The following CNTNAP2 variants were observed in gnomAD, a reference collection of about 807,000 sequenced individuals.
CNTNAP2 encodes contactin associated protein 2.
CNTNAP2 carries 98 observed loss-of-function variants against 155.2 expected under a neutral mutation model. The ratio of observed to expected loss-of-function variants is 0.63; its 90% CI spans 0.54 to 0.75. The LOEUF (loss-of-function observed/expected upper bound fraction) is 0.75, where lower values mean the gene tolerates loss of function less well. Among genes scored for constraint, CNTNAP2 ranks in the 30% least tolerant of loss-of-function variants. CNTNAP2 has a pLI of 0.00. For synonymous variants in CNTNAP2, 651 were observed against 631.2 expected (o/e 1.03, Z -0.47); for missense variants, 1,727 against 1,688.1 (o/e 1.02, Z -0.40).
intron 11 of CNTNAP2, among the ~76,000 whole-genome samples, chr7:147,547,156 G>T (rs1033096587): frequency 8.6e-4 from 131 of 152,288 alleles, no homozygotes; most frequent in African/African-American, 3.0e-3. Context: ...CTGTCATAAA[G>T]TCATCTTCAA....
chr7:147,788,850 A>G (rs1247688267), intron 13 of CNTNAP2, among the ~76,000 whole-genome samples: 1 of 143,846 alleles, frequency 7.0e-6, no homozygotes, highest in Non-Finnish European at 1.5e-5. Context: ...CCCACACCTC[A>G]TGGAGACCCT....
At chr7:146,678,796 G>T (rs1358094679) in intron 1 of CNTNAP2, among the ~76,000 whole-genome samples, 2 of 152,098 alleles carry the variant, frequency 1.3e-5, no homozygotes, top group East Asian at 3.9e-4. Context: ...TTTTAAAATA[G>T]ACTATTTGAA....
chr7:147,900,906 C>A (rs1262645077), intron 13 of CNTNAP2, among the ~76,000 whole-genome samples: 1 of 152,158 alleles, frequency 6.6e-6, no homozygotes, highest in African/African-American at 2.4e-5. Flanking sequence ...TCAGAAAATC[C>A]TCCTGAGAAC....
intron 11 of CNTNAP2, among the ~76,000 whole-genome samples, chr7:147,547,222 A>G (rs1194997311): frequency 1.3e-5 from 2 of 152,230 alleles, no homozygotes; most frequent in East Asian, 3.8e-4. Flanking sequence ...TCCCTGTATT[A>G]CAGCTGAATC....
chr7:147,176,289 G>T (rs1256456803), intron 8 of CNTNAP2, among the ~76,000 whole-genome samples: 1 of 152,106 alleles, frequency 6.6e-6, no homozygotes, highest in African/African-American at 2.4e-5. Context: ...ATTAAATGTG[G>T]TCCCTTCAGT....
intron 3 of CNTNAP2, among the ~76,000 whole-genome samples, chr7:146,849,898 T>G (rs1794839032): frequency 6.6e-6 from 1 of 152,146 alleles, no homozygotes; most frequent in Non-Finnish European, 1.5e-5. Flanking sequence ...TACAATAACT[T>G]TAAACAAAAG....
chr7:146,215,257 TAC>T (rs1799095643), intron 1 of CNTNAP2, among the ~76,000 whole-genome samples: 1 of 152,192 alleles, frequency 6.6e-6, no homozygotes, highest in Non-Finnish European at 1.5e-5. Context: ...TACAAAATAA[TAC>T]TTGCGTTAAA....
chr7:148,415,250 T>A (rs1010938420), intron 23 of CNTNAP2, among the ~76,000 whole-genome samples, 167 bp from the exon 24 acceptor site: 1 of 152,242 alleles, frequency 6.6e-6, no homozygotes, highest in Non-Finnish European at 1.5e-5. Context: ...TACTCCTTCA[T>A]GGACAAAAAC....
intron 4 of CNTNAP2, among the ~76,000 whole-genome samples, chr7:147,048,743 AC>A (rs2129257726): frequency 6.6e-6 from 1 of 152,322 alleles, no homozygotes; most frequent in South Asian, 2.1e-4. Context: ...AAATAATGTG[AC>A]TACTGGCTAC....
At chr7:147,182,196 C>A (rs1752252086) in intron 8 of CNTNAP2, among the ~76,000 whole-genome samples, 1 of 150,374 alleles carries the variant, frequency 6.7e-6, no homozygotes, top group African/African-American at 2.4e-5. Context: ...AAGCAAAGTT[C>A]TTTGTCTAAG....
chr7:148,318,342 C>T (rs564284057), intron 21 of CNTNAP2, among the ~76,000 whole-genome samples: 2 of 152,314 alleles, frequency 1.3e-5, no homozygotes, highest in South Asian at 4.1e-4. Flanking sequence ...CGAATGTTCA[C>T]ACCCTTCAAT....
chr7:147,452,605 T>G (rs902300135), intron 10 of CNTNAP2, among the ~76,000 whole-genome samples: 9 of 152,126 alleles, frequency 5.9e-5, no homozygotes, highest in African/African-American at 2.2e-4. Flanking sequence ...TGAAAAGAAG[T>G]TCATGCTAAA....
intron 3 of CNTNAP2, among the ~76,000 whole-genome samples, chr7:146,915,378 A>G (rs959718597): frequency 2.6e-5 from 4 of 152,140 alleles, no homozygotes; most frequent in Non-Finnish European, 5.9e-5. Flanking sequence ...TGGAAATTGC[A>G]TTGAATTTGT....
intron 20 of CNTNAP2, among the ~76,000 whole-genome samples, chr7:148,240,608 A>G (rs943498227): frequency 1.3e-5 from 2 of 152,198 alleles, no homozygotes; most frequent in African/African-American, 4.8e-5. Context: ...GCTCTCTAGC[A>G]GGACAGAACT....
chr7:148,296,135 CAAGACAG>C (rs1443708117), intron 21 of CNTNAP2, among the ~76,000 whole-genome samples: 1 of 152,110 alleles, frequency 6.6e-6, no homozygotes, highest in Non-Finnish European at 1.5e-5. Flanking sequence ...TTTTAGATTG[CAAGACAG>C]GTATCTCTTC....
intron 14 of CNTNAP2, among the ~76,000 whole-genome samples, chr7:147,975,850 T>C (rs985090215): frequency 2.7e-4 from 41 of 152,204 alleles, no homozygotes; most frequent in African/African-American, 9.6e-4. Flanking sequence ...TGATAGTCAG[T>C]GGGATATTTG....
intron 12 of CNTNAP2, among the ~76,000 whole-genome samples, chr7:147,613,075 T>TA (rs1801217959): frequency 6.6e-6 from 1 of 152,218 alleles, no homozygotes; most frequent in African/African-American, 2.4e-5. Flanking sequence ...TCTTCATATT[T>TA]ACTTTTTATT....
intron 20 of CNTNAP2, 60 bp from the exon 21 acceptor site, chr7:148,266,973 T>A: frequency 6.7e-7 from 1 of 1,483,444 alleles, no homozygotes; most frequent in Non-Finnish European, 9.4e-7. Context: ...ACAGGGAAGA[T>A]TTGGTTCCAC....
At chr7:146,542,581 C>CT (rs1797968301) in intron 1 of CNTNAP2, among the ~76,000 whole-genome samples, 1 of 151,350 alleles carries the variant, frequency 6.6e-6, no homozygotes. Flanking sequence ...CCTTCCCTGA[C>CT]TCTCTCCTTT....
Sources: gnomAD v4.1 joint callset for allele counts (sites outside exome capture counted in the v4.1 genomes callset) on GRCh38, gnomAD v4.1.1 for gene constraint, MANE v1.5 for transcripts, NCBI Gene and HGNC (gene_info 2026-07-23, HGNC 2026-07-21) for gene names.